Variants in CSMD1 observed in about 807,000 individuals in gnomAD.
CSMD1 encodes the protein CUB and sushi domain-containing protein 1.
CSMD1 carries 213 observed loss-of-function variants against 417.5 expected under a neutral mutation model. The observed-to-expected ratio is 0.51, with a 90% confidence interval of 0.46 to 0.57. The LOEUF is 0.57. Ranked by LOEUF, CSMD1 falls within the 20% of genes least tolerant of loss-of-function variation. CSMD1 has a pLI of 0.00. For synonymous variants in CSMD1, 2,862 were observed against 1,736.8 expected, an observed-to-expected ratio of 1.65 and a Z score of -16.11; for missense variants, 6,923 against 4,529.7, an observed-to-expected ratio of 1.53 and a Z score of -15.17.
intron 5 of CSMD1, among the ~76,000 whole-genome samples, chr8:3,902,867 A>C (rs1475585808): frequency 7.0e-6 from 1 of 143,730 alleles, no homozygotes; most frequent in African/African-American, 2.7e-5. Context: ...AGCTACATCC[A>C]ACTTTCCTTC....
chr8:3,510,380 TG>T (rs1410001638), intron 10 of CSMD1, among the ~76,000 whole-genome samples: 1 of 151,794 alleles, frequency 6.6e-6, no homozygotes, highest in African/African-American at 2.4e-5. Flanking sequence ...CATGGGTACT[TG>T]AAGTCCAAAT....
intron 3 of CSMD1, among the ~76,000 whole-genome samples, chr8:4,385,992 C>T (rs578024214): frequency 1.4e-5 from 2 of 140,044 alleles, no homozygotes; most frequent in South Asian, 4.5e-4. Flanking sequence ...TTCATTTCCT[C>T]TGTTTCATTT....
chr8:3,711,489 T>A (rs1023361345), intron 6 of CSMD1, among the ~76,000 whole-genome samples: 5 of 152,172 alleles, frequency 3.3e-5, no homozygotes, highest in Admixed American at 1.3e-4. Flanking sequence ...TTCATGAACG[T>A]CCTGCACTAC....
At chr8:3,077,018 G>C (rs117513705) in intron 49 of CSMD1, among the ~76,000 whole-genome samples, 2,502 of 129,296 alleles carry the variant, frequency 0.019, 36 homozygotes, top group South Asian at 0.056. Flanking sequence ...CCTGTTTTTG[G>C]AGTCCTAAGT....
intron 25 of CSMD1, among the ~76,000 whole-genome samples, chr8:3,288,311 G>C (rs547918143): frequency 1.4e-5 from 2 of 147,124 alleles, no homozygotes; most frequent in South Asian, 4.2e-4. Context: ...GATGATGTTG[G>C]CCTCATAAAA....
chr8:3,732,578 G>A (rs1796326275), intron 6 of CSMD1, among the ~76,000 whole-genome samples: 1 of 152,150 alleles, frequency 6.6e-6, no homozygotes, highest in Non-Finnish European at 1.5e-5. Context: ...TTTATGCCCA[G>A]GCAACGCACC....
chr8:4,489,936 G>C (rs958340308), intron 2 of CSMD1, among the ~76,000 whole-genome samples: 3 of 151,916 alleles, frequency 2.0e-5, no homozygotes, highest in African/African-American at 4.8e-5. Context: ...AAGCCACTAT[G>C]TCTGTGATCG....
chr8:3,865,082 T>G (rs1251256430), intron 5 of CSMD1, among the ~76,000 whole-genome samples: 4 of 152,158 alleles, frequency 2.6e-5, no homozygotes, highest in Non-Finnish European at 5.9e-5. Flanking sequence ...CAGTGTTACT[T>G]TGGTAACAAT....
chr8:4,028,389 A>G (rs190183660), intron 4 of CSMD1, among the ~76,000 whole-genome samples: 13 of 152,292 alleles, frequency 8.5e-5, no homozygotes, highest in African/African-American at 2.9e-4. Context: ...CAGTAAGTGG[A>G]CAATACATAC....
intron 7 of CSMD1, among the ~76,000 whole-genome samples, chr8:3,694,693 T>C (rs1439764532): frequency 1.3e-5 from 2 of 151,626 alleles, no homozygotes; most frequent in Non-Finnish European, 2.9e-5. Flanking sequence ...CTGTGGGCTT[T>C]AGAGGGAATG....
At chr8:3,429,255 CATTTCACAATGTAAATATGTACTGA>C (rs1814055572) in intron 12 of CSMD1, among the ~76,000 whole-genome samples, 1 of 152,118 alleles carries the variant, frequency 6.6e-6, no homozygotes, top group Non-Finnish European at 1.5e-5. Flanking sequence ...TTGATTTGAC[CATTTCACAATGTAAATATGTACTGA>C]AGCATAAATA....
chr8:3,149,999 AC>A (rs1408521046), intron 40 of CSMD1, among the ~76,000 whole-genome samples: 5 of 152,080 alleles, frequency 3.3e-5, no homozygotes, highest in African/African-American at 1.2e-4. Flanking sequence ...AGAATTCTTA[AC>A]CCCTGACTCC....
intron 5 of CSMD1, among the ~76,000 whole-genome samples, chr8:3,986,410 T>A (rs1814323983): frequency 6.6e-6 from 1 of 152,150 alleles, no homozygotes; most frequent in Non-Finnish European, 1.5e-5. Context: ...ATTTCACTGT[T>A]GAATACGTTT....
chr8:3,582,785 A>C (rs1187601258), intron 9 of CSMD1, among the ~76,000 whole-genome samples: 2 of 152,202 alleles, frequency 1.3e-5, no homozygotes, highest in Non-Finnish European at 2.9e-5. Flanking sequence ...GGGTTAAATA[A>C]AATGTTATTA....
chr8:3,821,297 C>A (rs987210122), intron 5 of CSMD1, among the ~76,000 whole-genome samples: 1 of 152,194 alleles, frequency 6.6e-6, no homozygotes, highest in African/African-American at 2.4e-5. Flanking sequence ...TAACCAGCAA[C>A]ACAGTCATTA....
At chr8:4,186,293 T>A (rs554865415) in intron 3 of CSMD1, among the ~76,000 whole-genome samples, 3 of 152,232 alleles carry the variant, frequency 2.0e-5, no homozygotes, top group East Asian at 1.9e-4. Context: ...GAGGCCCGTG[T>A]TCAAGGTTGG....
chr8:3,291,022 T>A (rs1260888226), intron 25 of CSMD1, among the ~76,000 whole-genome samples: 1 of 152,074 alleles, frequency 6.6e-6, no homozygotes, highest in African/African-American at 2.4e-5. Context: ...TTTTTGAGAG[T>A]TTTTAGCATG....
At chr8:4,799,231 G>A (rs1452609767) in intron 1 of CSMD1, among the ~76,000 whole-genome samples, 3 of 152,044 alleles carry the variant, frequency 2.0e-5, no homozygotes, top group African/African-American at 4.8e-5. Flanking sequence ...AGAGTGAAAC[G>A]GTAAGGGATA....
At chr8:3,303,637 C>T (rs572660577) in intron 25 of CSMD1, among the ~76,000 whole-genome samples, 20 of 152,106 alleles carry the variant, frequency 1.3e-4, no homozygotes, top group African/African-American at 4.6e-4. Context: ...GCAATTAAAG[C>T]TTAGGAACAG....
Sources: allele counts gnomAD v4.1 joint callset (sites outside exome capture counted in the v4.1 genomes callset), GRCh38; gene constraint gnomAD v4.1.1; transcripts MANE v1.5; gene names NCBI Gene and HGNC (gene_info 2026-07-23, HGNC 2026-07-21).